Variants in DOCK7 observed in about 807,000 individuals in gnomAD.
DOCK7 encodes dedicator of cytokinesis protein 7.
A neutral mutation model predicts 271.0 loss-of-function variants in DOCK7; 138 were observed. That is an observed-to-expected ratio of 0.51 (90% confidence interval 0.44 to 0.59). The LOEUF is 0.59. DOCK7 is among the 20% of genes least tolerant of loss of function. The pLI is 0.00. For synonymous variants in DOCK7, 823 were observed against 876.1 expected (o/e 0.94, Z 1.07); for missense variants, 2,066 against 2,592.4 (o/e 0.80, Z 4.41).
intron 14 of DOCK7, among the ~76,000 whole-genome samples, chr1:62,588,623 G>C (rs1647922789): frequency 6.6e-6 from 1 of 152,096 alleles, no homozygotes; most frequent in African/African-American, 2.4e-5. Flanking sequence ...TTTTTTTCAG[G>C]AAGATCACTT....
intron 1 of DOCK7, among the ~76,000 whole-genome samples, chr1:62,681,444 T>G (rs1661138309): frequency 6.7e-6 from 1 of 149,754 alleles, no homozygotes. Flanking sequence ...AAATGACGAG[T>G]TAATGGGTGC....
intron 1 of DOCK7, among the ~76,000 whole-genome samples, chr1:62,664,445 CCTT>C (rs1659039366): frequency 6.6e-6 from 1 of 152,164 alleles, no homozygotes; most frequent in South Asian, 2.1e-4. Flanking sequence ...CTCTGCTCCT[CCTT>C]CGTCTTCTGC....
At chr1:62,530,375 C>G (rs1168015) in intron 29 of DOCK7, among the ~76,000 whole-genome samples, 88,728 of 152,036 alleles carry the variant, frequency 0.58, 27,549 homozygotes, top group East Asian at 0.76. Context: ...TTCAATGAAC[C>G]CTGTCTTTTT....
chr1:62,596,730 T>A (rs551840638), intron 14 of DOCK7, among the ~76,000 whole-genome samples: 50 of 152,144 alleles, frequency 3.3e-4, no homozygotes, highest in Non-Finnish European at 6.2e-4. Context: ...GAAAAACTTA[T>A]GATGGGCAAG....
chr1:62,567,015 T>C (rs999229174), intron 18 of DOCK7, among the ~76,000 whole-genome samples: 12 of 152,276 alleles, frequency 7.9e-5, no homozygotes, highest in Admixed American at 7.8e-4. Flanking sequence ...TCACACCAGT[T>C]AGAATGGCGA....
chr1:62,494,557 G>C, intron 39 of DOCK7, 90 bp from the exon 40 acceptor site: 2 of 1,232,788 alleles, frequency 1.6e-6, no homozygotes, highest in Non-Finnish European at 2.2e-6. Context: ...ACCTAGAAAG[G>C]TTTTTGATAC....
At chr1:62,652,639 G>A (rs1657527155) in intron 4 of DOCK7, among the ~76,000 whole-genome samples, 1 of 152,142 alleles carries the variant, frequency 6.6e-6, no homozygotes, top group South Asian at 2.1e-4. Flanking sequence ...CCTGTGCTTA[G>A]AAGTAGCAGA....
chr1:62,643,915 T>C lies in DOCK7; in HGVS notation c.818+3776A>G, dbSNP rs553362631. Among the ~76,000 whole-genome samples, 4 of 152,142 alleles carry C rather than the reference T, an allele frequency of 2.6e-5. No individual in the cohort carries two copies. The South Asian group carries it at 8.3e-4, about 31-fold the overall frequency. The stretch of plus-strand genomic sequence containing the variant: ...GATTTATAATTTTAATTATAAAATC[T>C]TGAAAAAGATCAAATGAATCCTTTT... On this transcript the variant is annotated intron_variant, in intron 7 of 49. Transcript: ENST00000635253.
intron 2 of DOCK7, among the ~76,000 whole-genome samples, chr1:62,662,256 T>G (rs1481363424): frequency 6.6e-6 from 1 of 152,172 alleles, no homozygotes; most frequent in Non-Finnish European, 1.5e-5. Context: ...AAATATTAGT[T>G]TTTATCAAAA....
chr1:62,631,785 A>G (rs1470188589), intron 10 of DOCK7, among the ~76,000 whole-genome samples: 1 of 152,228 alleles, frequency 6.6e-6, no homozygotes, highest in Non-Finnish European at 1.5e-5. Context: ...TTACTCTATA[A>G]AAGATGGAAG....
chr1:62,528,251 C>T lies in DOCK7; in HGVS notation c.3836G>A (p.Ser1279Asn). 6.2e-7 allele frequency: 1 copy of T among 1,613,638 alleles called. No homozygotes were observed. The highest frequency in any genetic ancestry group is 8.5e-7 in the Non-Finnish European group (1 of 1,179,764). ...CTGGCTTATCATACTTCCGCTCTCA[C>T]TTTCATAATCATCAGTGGCTATACA... is the stretch of plus-strand genomic sequence containing the variant. ...PICIATDDYE[S>N]ESGSMISQTV... The change falls in exon 31 of 50, where the codon AGT becomes AAT. Residue 1279 changes from serine to asparagine, a missense_variant. Around this residue, in one of 2 missense-constraint regions of DOCK7, gnomAD observed 1,414 missense variants for 1,670.4 expected, o/e 0.85. Transcript: ENST00000635253.
intron 18 of DOCK7, among the ~76,000 whole-genome samples, chr1:62,576,474 G>A (rs1222398299): frequency 6.6e-6 from 1 of 152,194 alleles, no homozygotes; most frequent in Non-Finnish European, 1.5e-5. Flanking sequence ...GAGTGACAGA[G>A]AACAGTGAGA....
chr1:62,557,460 G>A (rs528502949), intron 20 of DOCK7, among the ~76,000 whole-genome samples: 1 of 150,586 alleles, frequency 6.6e-6, no homozygotes, highest in Non-Finnish European at 1.5e-5. Flanking sequence ...ACTCAACCCT[G>A]CTTTCTCTTC....
chr1:62,678,254 T>A (rs1402105380), intron 1 of DOCK7, among the ~76,000 whole-genome samples: 4 of 151,976 alleles, frequency 2.6e-5, no homozygotes, highest in African/African-American at 9.7e-5. Context: ...CAGAGCAAGA[T>A]AAAAAATAGT....
intron 7 of DOCK7, among the ~76,000 whole-genome samples, chr1:62,646,162 A>C (rs1656629427): frequency 6.7e-6 from 1 of 148,398 alleles, no homozygotes; most frequent in Non-Finnish European, 1.5e-5. Context: ...TCTCAAAAAA[A>C]AAAAAACAAA....
intron 43 of DOCK7, among the ~76,000 whole-genome samples, chr1:62,480,782 G>T (rs999709422): frequency 6.6e-6 from 1 of 152,214 alleles, no homozygotes; most frequent in African/African-American, 2.4e-5. Context: ...GCCAAGGCGG[G>T]GGGGATCACG....
chr1:62,545,835 AGG>A (rs1330300713), intron 22 of DOCK7, among the ~76,000 whole-genome samples: 1 of 152,128 alleles, frequency 6.6e-6, no homozygotes, highest in Non-Finnish European at 1.5e-5. Flanking sequence ...AAGGAAACAG[AGG>A]CTTTTCTTCT....
intron 29 of DOCK7, 70 bp downstream of exon 29, chr1:62,535,423 G>C (rs1368099275): frequency 7.6e-7 from 1 of 1,310,918 alleles, no homozygotes; most frequent in East Asian, 2.4e-5. Context: ...CAGGAAATGT[G>C]AGTGGAATAC....
chr1:62,565,123 A>C (rs1179001743), intron 18 of DOCK7, among the ~76,000 whole-genome samples: 2 of 152,154 alleles, frequency 1.3e-5, no homozygotes, highest in African/African-American at 4.8e-5. Context: ...CAGAGGTGCA[A>C]AGAAAAGCTG....
Sources: allele counts gnomAD v4.1 joint callset (sites outside exome capture counted in the v4.1 genomes callset), GRCh38; gene constraint gnomAD v4.1.1; regional missense constraint gnomAD v4.1.1; transcripts MANE v1.5; gene names NCBI Gene and HGNC (gene_info 2026-07-23, HGNC 2026-07-21).